Variants in CSPP1 observed in about 807,000 individuals in gnomAD.
CSPP1 encodes the protein centrosome and spindle pole associated protein 1, also known as centrosome and spindle pole-associated protein 1.
A neutral mutation model predicts 164.4 loss-of-function variants in CSPP1; 126 were observed. The observed-to-expected ratio is 0.77, with a 90% CI of 0.66 to 0.89. The LOEUF is 0.89. CSPP1 is among the 40% of genes least tolerant of loss of function. The pLI is 0.00. For synonymous variants in CSPP1, 472 were observed against 476.7 expected (o/e 0.99, Z 0.13); for missense variants, 1,395 against 1,449.8 (o/e 0.96, Z 0.61).
intron 28 of CSPP1, among the ~76,000 whole-genome samples, chr8:67,183,510 C>A (rs917321961): frequency 1.2e-4 from 18 of 152,202 alleles, no homozygotes; most frequent in African/African-American, 4.3e-4. Context: ...GGAAAAATCT[C>A]CAAATACTTT....
chr8:67,092,022 C>T (rs1004640938), intron 5 of CSPP1, 139 bp downstream of exon 5: 3 of 256,834 alleles, frequency 1.2e-5, no homozygotes, highest in South Asian at 4.9e-5. Flanking sequence ...TTCAAAAATC[C>T]GTGGAGTCAT....
chr8:67,085,866 C>T (rs1810287832), intron 3 of CSPP1, 141 bp from the exon 4 acceptor site: 2 of 590,360 alleles, frequency 3.4e-6, no homozygotes, highest in Admixed American at 6.1e-5. Context: ...TCTATTGAGA[C>T]ATTTTAAGTA....
intron 17 of CSPP1, among the ~76,000 whole-genome samples, chr8:67,147,591 C>T (rs1022862905): frequency 6.6e-6 from 1 of 152,110 alleles, no homozygotes; most frequent in Non-Finnish European, 1.5e-5. Flanking sequence ...CAACAAAAAG[C>T]CTGATGACCT....
At position 67,112,167 on chromosome 8, in the gene CSPP1, G is replaced by A. The variant is rs896812730; in HGVS notation, c.1187+102G>A. On this transcript the variant is annotated intron_variant, in intron 10 of 30. Coordinates refer to ENST00000678616, the MANE Select transcript of CSPP1 (RefSeq NM_001382391.1). ...GGGTTGTCGTTCTAATATGATGTTTGATTTGTAAATCACTTATATTTTCAT... is the reference window on the plus strand; with the variant it reads ...GGGTTGTCGTTCTAATATGATGTTTAATTTGTAAATCACTTATATTTTCAT... 6.6e-6 allele frequency: 4 copies of A among 607,508 alleles called. No individual in the cohort carries two copies. The Admixed American group carries it at 9.1e-5, about 14-fold the overall frequency. 37.6% of individuals were successfully genotyped at this position (607,508 alleles called of 1,614,324 possible). A position where few individuals can be genotyped will look rare whatever the true frequency, so the allele number is the denominator to read the frequency against.
At chr8:67,069,087 A>G (rs533853949) in intron 1 of CSPP1, 1 of 152,346 alleles carries the variant, frequency 6.6e-6, no homozygotes, top group South Asian at 2.1e-4. Context: ...AGTCTTTTCC[A>G]ATACCCTCTT....
At chr8:67,104,442 A>G (rs1814915480) in intron 8 of CSPP1, among the ~76,000 whole-genome samples, 1 of 151,460 alleles carries the variant, frequency 6.6e-6, no homozygotes, top group African/African-American at 2.4e-5. Flanking sequence ...TTTTTAAAAA[A>G]TTTTTTTGTA....
At chr8:67,093,301 A>C (rs1812006343) in intron 5 of CSPP1, among the ~76,000 whole-genome samples, 1 of 152,216 alleles carries the variant, frequency 6.6e-6, no homozygotes, top group Admixed American at 6.5e-5. Flanking sequence ...GGACCAAAGC[A>C]TGTAGTCATG....
intron 7 of CSPP1, among the ~76,000 whole-genome samples, chr8:67,101,524 T>C (rs1404053365): frequency 6.6e-6 from 1 of 152,200 alleles, no homozygotes; most frequent in Non-Finnish European, 1.5e-5. Flanking sequence ...ATTTACCTGT[T>C]TGTTAAGTGG....
intron 8 of CSPP1, among the ~76,000 whole-genome samples, chr8:67,104,974 T>A (rs1288132664): frequency 1.5e-4 from 20 of 135,486 alleles, no homozygotes; most frequent in African/African-American, 4.1e-4. Context: ...ATATTTTTTT[T>A]TTTTTTTTTT....
intron 15 of CSPP1, among the ~76,000 whole-genome samples, chr8:67,120,641 T>A (rs903814928): frequency 2.6e-5 from 4 of 152,144 alleles, no homozygotes; most frequent in Non-Finnish European, 5.9e-5. Flanking sequence ...GGAATTCCTT[T>A]CATAATTTTC....
At position 67,097,604 on chromosome 8, in the gene CSPP1, C is replaced by G. The variant is rs182294412; in HGVS notation, c.923+1872C>G. On this transcript the variant is annotated intron_variant, in intron 7 of 30. Transcript: ENST00000678616. ...CCTTTGTACATGAGAACTTCTTTTC[C>G]CTTTATGGTGTTTGTTTACGTTTAG... Among the ~76,000 whole-genome samples, 15 of 151,972 alleles carry G rather than the reference C, an allele frequency of 9.9e-5. No individual in the cohort carries two copies. The East Asian group carries it at 2.9e-3, about 29-fold the overall frequency.
intron 3 of CSPP1, among the ~76,000 whole-genome samples, chr8:67,077,129 T>C (rs768017007): frequency 6.6e-6 from 1 of 152,124 alleles, no homozygotes; most frequent in Non-Finnish European, 1.5e-5. Context: ...AAAGAAAATG[T>C]ATGAATATGT....
chr8:67,126,788 G>T (rs940875940), intron 15 of CSPP1, among the ~76,000 whole-genome samples: 1 of 152,036 alleles, frequency 6.6e-6, no homozygotes, highest in African/African-American at 2.4e-5. Context: ...TTTATTGTCA[G>T]TCTTTTGCTT....
At chr8:67,165,157 C>T (rs1829075649) in intron 24 of CSPP1, among the ~76,000 whole-genome samples, 1 of 151,940 alleles carries the variant, frequency 6.6e-6, no homozygotes, top group South Asian at 2.1e-4. Context: ...GGTGGCACGC[C>T]CCTGTGGTCC....
chr8:67,078,481 A>G (rs992020317), intron 3 of CSPP1, among the ~76,000 whole-genome samples: 6 of 152,026 alleles, frequency 3.9e-5, no homozygotes, highest in Non-Finnish European at 8.8e-5. Context: ...AGTAGCTGAG[A>G]CCACAGGTGA....
At chr8:67,106,836 T>C (rs1294998168) in intron 9 of CSPP1, among the ~76,000 whole-genome samples, 2 of 152,158 alleles carry the variant, frequency 1.3e-5, no homozygotes, top group East Asian at 3.8e-4. Context: ...AATTAAATAC[T>C]GGTTTAGAGA....
rs34907123 is a variant in CSPP1 at position 67,192,066 on chromosome 8, GT to G, written c.3330+1318del. ...GTCTATTCAAATCCTTTGCTGATTTGTTTTTTTTTTTGTTTTTTTTTTTTGA... is the reference window on the plus strand; with the variant it reads ...GTCTATTCAAATCCTTTGCTGATTTGTTTTTTTTTTGTTTTTTTTTTTTGA... On this transcript the variant is annotated intron_variant, in intron 29 of 30. Transcript: ENST00000678616. Among the ~76,000 whole-genome samples, 175 of 129,820 alleles carry G rather than the reference GT, an allele frequency of 1.3e-3. 1 individual carries two copies. The highest frequency in any genetic ancestry group is 2.8e-3 in the East Asian group (12 of 4,322). 85.2% of individuals were successfully genotyped at this position (129,820 alleles called of 152,430 possible). A position where few individuals can be genotyped will look rare whatever the true frequency, so the allele number is the denominator to read the frequency against.
chr8:67,143,265 C>T (rs1823864593), intron 17 of CSPP1, among the ~76,000 whole-genome samples: 1 of 151,844 alleles, frequency 6.6e-6, no homozygotes, highest in Admixed American at 6.6e-5. Context: ...ATTACTATAG[C>T]TTTGTAGTAA....
Position 67,065,693 on chromosome 8 carries a change from G to A in CSPP1, c.-11+1155G>A, listed in dbSNP as rs191053597. 8.6e-4 allele frequency among the ~76,000 whole-genome samples: 131 copies of A among 152,258 alleles called. 1 individual carries two copies. The highest frequency in any genetic ancestry group is 1.3e-3 in the Non-Finnish European group (88 of 68,020). Reference sequence around the variant, plus strand: ...GGGTCTCGCTCTGTTGTACAGGCTGGAGTGCAGTGGCATTAGTAGAGAAGG... The same window carrying A: ...GGGTCTCGCTCTGTTGTACAGGCTGAAGTGCAGTGGCATTAGTAGAGAAGG... On this transcript the variant is annotated intron_variant, in intron 1 of 30. Transcript: ENST00000678616.
Sources: gnomAD v4.1 joint callset for allele counts (sites outside exome capture counted in the v4.1 genomes callset) on GRCh38, gnomAD v4.1.1 for gene constraint, MANE v1.5 for transcripts, NCBI Gene and HGNC (gene_info 2026-07-23, HGNC 2026-07-21) for gene names.